The following ARHGEF4 variants were observed in gnomAD, a reference collection of about 807,000 sequenced individuals.
ARHGEF4 encodes Rho guanine nucleotide exchange factor 4.
A neutral mutation model predicts 162.0 loss-of-function variants in ARHGEF4; 119 were observed. The observed-to-expected ratio is 0.73, with a 90% confidence interval of 0.63 to 0.86. ARHGEF4 has a LOEUF of 0.86. ARHGEF4 is among the 40% of genes least tolerant of loss of function. The probability of loss-of-function intolerance (pLI) is 0.00; values close to 1 mark genes in which losing one functional copy is unlikely to be tolerated. For missense variants in ARHGEF4, 2,488 were observed against 2,456.0 expected, an observed-to-expected ratio of 1.01 and a Z score of -0.28; for synonymous variants, 1,014 against 979.9, an observed-to-expected ratio of 1.03 and a Z score of -0.65.
At chr2:130,988,893 T>TAGAGAG (rs1304546250) in intron 4 of ARHGEF4, among the ~76,000 whole-genome samples, 115 of 113,224 alleles carry the variant, frequency 1.0e-3, no homozygotes, top group South Asian at 2.2e-3. Context: ...TATATATATA[T>TAGAGAG]ATATATATAG....
chr2:130,859,581 TC>T (rs1681932145), intron 1 of ARHGEF4, among the ~76,000 whole-genome samples: 3 of 1,536 alleles, frequency 2.0e-3, no homozygotes, highest in African/African-American at 5.1e-3. Context: ...AGACTCCAAC[TC>T]AAAAAAAAAA....
At chr2:131,045,937 T>G in intron 13 of ARHGEF4, 101 bp from the exon 14 acceptor site, 3 of 1,508,040 alleles carry the variant, frequency 2.0e-6, no homozygotes, top group Non-Finnish European at 1.8e-6. Context: ...CTACGGCGGC[T>G]CTGAAGCAGA....
intron 4 of ARHGEF4, among the ~76,000 whole-genome samples, chr2:131,000,969 A>G (rs1687718501): frequency 6.6e-6 from 1 of 152,190 alleles, no homozygotes; most frequent in African/African-American, 2.4e-5. Flanking sequence ...TATTTAAAAT[A>G]TCTTACGAGT....
Position 130,916,156 on chromosome 2 carries a change from T to C in ARHGEF4, c.2210T>C (p.Leu737Pro). The C allele has an allele frequency of 6.5e-7, 1 of 1,548,886 alleles. No individual in the cohort carries two copies. Among genetic ancestry groups the C allele is most frequent in the Non-Finnish European group, 8.7e-7 (1 of 1,146,800 alleles). Residue 737 changes from leucine to proline, a missense_variant, in exon 2 of 14, where the codon CTG (leucine) becomes CCG (proline). Leu to Pro is a moderately conservative substitution (Grantham distance 98). Transcript: ENST00000409359. ...PSTEEPPGER[L>P]RGESRSSGSG... Reference sequence around the variant, plus strand: ...ACAGAGGAGCCCCCGGGAGAGAGACTGCGTGGGGAGAGCCGGAGCTCCGGG... The same window carrying C: ...ACAGAGGAGCCCCCGGGAGAGAGACCGCGTGGGGAGAGCCGGAGCTCCGGG...
intron 9 of ARHGEF4, 23 bp from the exon 10 acceptor site, chr2:131,041,792 C>G: frequency 1.2e-6 from 2 of 1,609,096 alleles, no homozygotes; most frequent in Non-Finnish European, 1.7e-6. Context: ...CTGCAGCAGC[C>G]TTCCATCTCT....
At chr2:130,886,473 A>G (rs1477373574) in intron 1 of ARHGEF4, among the ~76,000 whole-genome samples, 2 of 151,762 alleles carry the variant, frequency 1.3e-5, no homozygotes, top group African/African-American at 2.4e-5. Flanking sequence ...AGGTCAGGAG[A>G]TCGAGACTAT....
chr2:130,941,725 C>T (rs1184148992), intron 3 of ARHGEF4, among the ~76,000 whole-genome samples: 2 of 152,076 alleles, frequency 1.3e-5, no homozygotes, highest in African/African-American at 2.4e-5. Flanking sequence ...TCACTGGAAG[C>T]GGGTTGTCAT....
At chr2:130,992,930 A>G (rs1687138723) in intron 4 of ARHGEF4, among the ~76,000 whole-genome samples, 1 of 152,188 alleles carries the variant, frequency 6.6e-6, no homozygotes, top group South Asian at 2.1e-4. Context: ...CTAAAAATGC[A>G]AAAATAAGGC....
chr2:131,019,681 T>A (rs1366496125), intron 4 of ARHGEF4, among the ~76,000 whole-genome samples: 1 of 152,110 alleles, frequency 6.6e-6, no homozygotes, highest in Non-Finnish European at 1.5e-5. Flanking sequence ...TCGCCCAGGC[T>A]GGAGTGCAGT....
At chr2:130,944,064 A>G (rs1019921197) in intron 3 of ARHGEF4, among the ~76,000 whole-genome samples, 1 of 152,176 alleles carries the variant, frequency 6.6e-6, no homozygotes, top group African/African-American at 2.4e-5. Flanking sequence ...TGCTGGATAT[A>G]GATTTTTGGG....
Position 131,044,309 on chromosome 2 carries a change from G to T in ARHGEF4, c.5168G>T (p.Arg1723Leu). The T allele has an allele frequency of 6.2e-7, 1 of 1,610,296 alleles. No individual in the cohort carries two copies. The highest frequency in any genetic ancestry group is 8.5e-7 in the Non-Finnish European group (1 of 1,178,894). Residue 1723 changes from arginine to leucine, a missense_variant, in exon 12 of 14, where the codon CGC becomes CTC. This residue lies in a region of ARHGEF4 where 415 missense variants were observed against 512.4 expected (regional missense o/e 0.81). Transcript: ENST00000409359. ...GCCAGCATCTGGCAGGACCTGCTCC[G>T]CCGCGACGTGTTGTACTACAAGGGC... is the stretch of plus-strand genomic sequence containing the variant. ...QLIYCKKDLL[R>L]RDVLYYKGRL...
Position 130,884,033 on chromosome 2 carries a change from A to G in ARHGEF4, c.40-29953A>G, listed in dbSNP as rs1679356377. Among the ~76,000 whole-genome samples the G allele has an allele frequency of 3.9e-5, 6 of 152,244 alleles. No individual in the cohort carries two copies. The South Asian group carries it at 1.2e-3, about 32-fold the overall frequency. Reference sequence around the variant, plus strand: ...TCACCAACATCATCGTCAACATTATATATCCTCCTACTGATTTTATGCAAA... The same window carrying G: ...TCACCAACATCATCGTCAACATTATGTATCCTCCTACTGATTTTATGCAAA... On this transcript the variant is annotated intron_variant, in intron 1 of 13. Coordinates refer to ENST00000409359, the MANE Select transcript of ARHGEF4 (RefSeq NM_001367493.1).
intron 4 of ARHGEF4, among the ~76,000 whole-genome samples, chr2:131,020,495 C>T (rs1443683894): frequency 1.3e-5 from 2 of 152,118 alleles, no homozygotes; most frequent in African/African-American, 2.4e-5. Context: ...CAGCTTCATC[C>T]ATGTCCCTTT....
chr2:131,035,300 G>T, intron 5 of ARHGEF4: 1 of 1,194,542 alleles, frequency 8.4e-7, no homozygotes, highest in Non-Finnish European at 1.0e-6. Context: ...TGAGTGGCGC[G>T]GGCGACGGCA....
chr2:130,988,895 TATATATAGAGAGAGAGAGAG>T (rs1430058829), intron 4 of ARHGEF4, among the ~76,000 whole-genome samples: 2 of 109,090 alleles, frequency 1.8e-5, no homozygotes, highest in Admixed American at 9.5e-5. Flanking sequence ...TATATATATA[TATATATAGAGAGAGAGAGAG>T]AGAGAGAGAG....
chr2:130,889,811 C>CAAA (rs35297177), intron 1 of ARHGEF4, among the ~76,000 whole-genome samples: 1,719 of 67,614 alleles, frequency 0.025, 55 homozygotes, highest in East Asian at 0.13. Context: ...GACTCCGTCT[C>CAAA]AAAAAAAAAA....
At chr2:130,852,435 C>T (rs1331182776) in intron 1 of ARHGEF4, among the ~76,000 whole-genome samples, 1 of 152,068 alleles carries the variant, frequency 6.6e-6, no homozygotes, top group African/African-American at 2.4e-5. Context: ...CGTTCTGCCT[C>T]CAGGACCTCC....
chr2:130,894,741 C>T (rs1680057393), intron 1 of ARHGEF4, among the ~76,000 whole-genome samples: 2 of 151,960 alleles, frequency 1.3e-5, no homozygotes, highest in Admixed American at 1.3e-4. Flanking sequence ...CTTCCTCTGT[C>T]CCTGGTCTGT....
chr2:130,912,411 G>A (rs1681241325), intron 1 of ARHGEF4, among the ~76,000 whole-genome samples: 1 of 152,152 alleles, frequency 6.6e-6, no homozygotes, highest in Non-Finnish European at 1.5e-5. Flanking sequence ...TTTCTATTCC[G>A]AACGCCTTCT....
Sources: gnomAD v4.1 joint callset for allele counts (sites outside exome capture counted in the v4.1 genomes callset) on GRCh38, gnomAD v4.1.1 for gene constraint, gnomAD v4.1.1 regional missense constraint, MANE v1.5 for transcripts, NCBI Gene and HGNC (gene_info 2026-07-23, HGNC 2026-07-21) for gene names.